The following PDS5B variants were observed in gnomAD, a reference collection of about 807,000 sequenced individuals.
The protein encoded by PDS5B is PDS5 cohesin associated factor B, also known as sister chromatid cohesion protein PDS5 homolog B.
In PDS5B, 51 loss-of-function variants were observed where a neutral mutation model predicts 184.1. That is an observed-to-expected ratio of 0.28 (90% CI 0.22 to 0.35). The LOEUF (loss-of-function observed/expected upper bound fraction) is 0.35, where lower values mean the gene tolerates loss of function less well. Among genes scored for constraint, PDS5B ranks in the 10% least tolerant of loss-of-function variants. PDS5B has a pLI of 1.00. For synonymous variants in PDS5B, 566 were observed against 569.2 expected (o/e 0.99, Z 0.08); for missense variants, 1,180 against 1,723.3 (o/e 0.68, Z 5.58).
chr13:32,628,506 C>G (rs568791981), intron 1 of PDS5B, among the ~76,000 whole-genome samples: 2 of 151,360 alleles, frequency 1.3e-5, no homozygotes, highest in Non-Finnish European at 2.9e-5. Context: ...CGAGATCGTG[C>G]CACTGCACTC....
At position 32,589,464 on chromosome 13, in the gene PDS5B, A is replaced by G. The variant is rs2057740735; in HGVS notation, c.-20+2871A>G. Among the ~76,000 whole-genome samples, 3 of 152,082 alleles carry G rather than the reference A, an allele frequency of 2.0e-5. No individual in the cohort carries two copies. In the South Asian group the frequency reaches 6.2e-4, roughly 32 times the overall value. ...GGATTCAGTCCATTTAGGTTGTCTC[A>G]GAAGATAGCCTCTTGTAGGTCTCTG... On this transcript the variant is annotated intron_variant, in intron 1 of 34. Transcript: ENST00000315596.
chr13:32,775,202 C>A lies in PDS5B; in HGVS notation c.*150C>A. On this transcript the variant is annotated 3_prime_UTR_variant, in exon 35 of 35. Coordinates refer to ENST00000315596, the MANE Select transcript of PDS5B (RefSeq NM_015032.4). ...TGGACCTTACTTTGGTGACCCCATA[C>A]ATTTGTGGTCACATGCTTTAGCCAT... 1.5e-6 allele frequency: 1 copy of A among 654,984 alleles called. No homozygotes were observed. The highest frequency in any genetic ancestry group is 1.8e-5 in the African/African-American group (1 of 54,168). The allele number at this position is 654,984 out of a possible 1,614,324, so 40.6% of individuals were successfully genotyped here. A position where few individuals can be genotyped will look rare whatever the true frequency, so the allele number is the denominator to read the frequency against.
At chr13:32,762,724 C>T (rs1272099158) in intron 30 of PDS5B, among the ~76,000 whole-genome samples, 4 of 152,030 alleles carry the variant, frequency 2.6e-5, no homozygotes, top group Non-Finnish European at 5.9e-5. Flanking sequence ...TTTTTCTGTG[C>T]AATGTTTTGT....
intron 25 of PDS5B, among the ~76,000 whole-genome samples, chr13:32,753,892 T>G (rs1954076260): frequency 6.6e-6 from 1 of 152,148 alleles, no homozygotes; most frequent in Non-Finnish European, 1.5e-5. Flanking sequence ...TGTTCTCACC[T>G]GTAGCTGACA....
At chr13:32,598,425 C>G (rs976938318) in intron 1 of PDS5B, among the ~76,000 whole-genome samples, 1 of 152,016 alleles carries the variant, frequency 6.6e-6, no homozygotes, top group Admixed American at 6.5e-5. Context: ...CAGATACCCT[C>G]TCTCCTTTTT....
rs536706729 is a variant in PDS5B, at chr13:32,773,054, A to G, written c.4173-135A>G. On this transcript the variant is annotated intron_variant, in intron 33 of 34. Coordinates refer to ENST00000315596, the MANE Select transcript of PDS5B (RefSeq NM_015032.4). ...GCTGGTTTAGGATTCAGAATATTAA[A>G]GAAATGTTCTTGTCTCATAAAGTAA... 17 of 674,818 alleles carry G rather than the reference A, an allele frequency of 2.5e-5. No homozygotes were observed. In the East Asian group the frequency reaches 3.5e-4, roughly 14 times the overall value. The allele number at this position is 674,818 out of a possible 1,614,324, so 41.8% of individuals were successfully genotyped here.
In PDS5B at chr13:32,688,526, T is replaced by C. The variant is rs545451662; in HGVS notation, c.1426T>C (p.Cys476Arg). 1.1e-5 allele frequency: 17 copies of C among 1,607,532 alleles called. No individual in the cohort carries two copies. The highest frequency in any genetic ancestry group is 1.4e-5 in the Non-Finnish European group (17 of 1,174,202). The change falls in exon 13 of 35, where the codon TGC becomes CGC. Residue 476 changes from cysteine to arginine, a missense_variant. Physicochemically the swap from Cys to Arg is radical, Grantham distance 180. This residue lies in a region of PDS5B where 475 missense variants were observed against 691.5 expected (regional missense o/e 0.69). Coordinates refer to ENST00000315596, the MANE Select transcript of PDS5B (RefSeq NM_015032.4). Reference sequence around the variant, plus strand: ...TTTAGAAACTACAGAACGGATGAAATGCTTATATTACTTGTATGCCACACT... The same window carrying C: ...TTTAGAAACTACAGAACGGATGAAACGCTTATATTACTTGTATGCCACACT... Reference protein sequence around the residue: ...HNLETTERMKCLYYLYATLDL... With the variant: ...HNLETTERMKRLYYLYATLDL...
intron 11 of PDS5B, among the ~76,000 whole-genome samples, chr13:32,686,152 G>C (rs17077747): frequency 0.011 from 1,727 of 152,198 alleles, 21 homozygotes; most frequent in African/African-American, 0.024. Context: ...AACATTACCA[G>C]CTTCCTTTTG....
At chr13:32,735,619 A>T (rs1953304465) in intron 21 of PDS5B, among the ~76,000 whole-genome samples, 1 of 152,188 alleles carries the variant, frequency 6.6e-6, no homozygotes. Context: ...TTGACAGGAC[A>T]TCTATTTTTA....
At chr13:32,681,443 T>C (rs1428835218) in intron 10 of PDS5B, among the ~76,000 whole-genome samples, 1 of 151,992 alleles carries the variant, frequency 6.6e-6, no homozygotes, top group Non-Finnish European at 1.5e-5. Context: ...GCCAACATGG[T>C]GAAACCCCAC....
chr13:32,737,670 C>T (rs1406772054), intron 21 of PDS5B, among the ~76,000 whole-genome samples: 1 of 152,196 alleles, frequency 6.6e-6, no homozygotes, highest in Non-Finnish European at 1.5e-5. Context: ...AACCTAGTCA[C>T]ATCTTGTCAG....
At chr13:32,640,240 A>G (rs1287228890) in intron 1 of PDS5B, among the ~76,000 whole-genome samples, 3 of 152,048 alleles carry the variant, frequency 2.0e-5, no homozygotes, top group Non-Finnish European at 4.4e-5. Flanking sequence ...TAGTATTAGA[A>G]TATTTTCTTT....
At chr13:32,627,012 A>AT (rs1216754333) in intron 1 of PDS5B, among the ~76,000 whole-genome samples, 9 of 132,038 alleles carry the variant, frequency 6.8e-5, no homozygotes, top group Non-Finnish European at 1.7e-5. Flanking sequence ...TCTATCTAGC[A>AT]CTTTTTTTTA....
chr13:32,756,032 A>G (rs1593615000), intron 26 of PDS5B, 76 bp downstream of exon 26: 1 of 721,362 alleles, frequency 1.4e-6, no homozygotes, highest in Non-Finnish European at 2.4e-6. Context: ...TTGGATCTCA[A>G]TTATAATTAG....
At chr13:32,767,894 C>CAGATA (rs1954634873) in intron 31 of PDS5B, among the ~76,000 whole-genome samples, 1 of 152,000 alleles carries the variant, frequency 6.6e-6, no homozygotes, top group Admixed American at 6.5e-5. Flanking sequence ...TCAGCCCTAC[C>CAGATA]AGATACATAA....
chr13:32,639,801 A>G (rs976180264), intron 1 of PDS5B, among the ~76,000 whole-genome samples: 2 of 152,208 alleles, frequency 1.3e-5, no homozygotes, highest in African/African-American at 4.8e-5. Context: ...TTTGAATTCC[A>G]CCTCAAACCT....
At chr13:32,665,828 A>T (rs892263962) in intron 6 of PDS5B, among the ~76,000 whole-genome samples, 3 of 152,158 alleles carry the variant, frequency 2.0e-5, no homozygotes, top group Non-Finnish European at 4.4e-5. Context: ...TATTCCAGCC[A>T]TAAAAAAATG....
intron 19 of PDS5B, among the ~76,000 whole-genome samples, chr13:32,725,450 A>G (rs1394999922): frequency 6.6e-6 from 1 of 152,028 alleles, no homozygotes. Flanking sequence ...ATATTCCAGG[A>G]CTATCTTGCA....
At chr13:32,645,334 T>C (rs1950190377) in intron 1 of PDS5B, among the ~76,000 whole-genome samples, 1 of 152,188 alleles carries the variant, frequency 6.6e-6, no homozygotes, top group Admixed American at 6.5e-5. Context: ...ATTAGTTGCT[T>C]AAAACTAGTT....
Sources: gnomAD v4.1 joint callset for allele counts (sites outside exome capture counted in the v4.1 genomes callset) on GRCh38, gnomAD v4.1.1 for gene constraint, gnomAD v4.1.1 regional missense constraint, MANE v1.5 for transcripts, NCBI Gene and HGNC (gene_info 2026-07-23, HGNC 2026-07-21) for gene names.